CLEC4A: variants seen among roughly 807,000 people sequenced by gnomAD.
The protein encoded by CLEC4A is C-type (calcium dependent, carbohydrate-recognition domain) lectin, superfamily member 6.
A neutral mutation model predicts 32.7 loss-of-function variants in CLEC4A; 27 were observed. The ratio of observed to expected loss-of-function variants is 0.83; its 90% CI spans 0.61 to 1.14. The LOEUF (loss-of-function observed/expected upper bound fraction) is 1.14, where lower values mean the gene tolerates loss of function less well. CLEC4A is among the 50% of genes most tolerant of loss of function. CLEC4A has a pLI of 0.00. For synonymous variants in CLEC4A, 89 were observed against 93.7 expected (o/e 0.95, Z 0.29); for missense variants, 253 against 274.6 (o/e 0.92, Z 0.55).
At chr12:8,132,234 A>G (rs1478108604) in intron 3 of CLEC4A, among the ~76,000 whole-genome samples, 1 of 151,972 alleles carries the variant, frequency 6.6e-6, no homozygotes, top group Non-Finnish European at 1.5e-5. Flanking sequence ...AATGCTTGAG[A>G]CTCACATTGT....
chr12:8,136,728 T>G lies in CLEC4A; in HGVS notation c.451-60T>G, dbSNP rs1948123827. On this transcript the variant is annotated intron_variant, in intron 4 of 5. Coordinates refer to ENST00000229332, the MANE Select transcript of CLEC4A (RefSeq NM_016184.4). ...TTTTCTTCTTGTTTCTCTAAGGTATTAAGAATTCAGTTTAAGCTGAATACT... is the reference window on the plus strand; with the variant it reads ...TTTTCTTCTTGTTTCTCTAAGGTATGAAGAATTCAGTTTAAGCTGAATACT... 3 of 1,016,132 alleles carry G rather than the reference T, an allele frequency of 3.0e-6. No individual in the cohort carries two copies. The East Asian group carries it at 7.2e-5, about 24-fold the overall frequency. The allele number at this position is 1,016,132 out of a possible 1,614,324, so 62.9% of individuals were successfully genotyped here.
At chr12:8,119,852 G>A (rs958471312), upstream of CLEC4A, among the ~76,000 whole-genome samples, 6 of 152,284 alleles carry the variant, frequency 3.9e-5, no homozygotes, top group Middle Eastern at 6.8e-3. Flanking sequence ...TCCCAGGGGT[G>A]TCCTCACTCC....
intron 2 of CLEC4A, among the ~76,000 whole-genome samples, chr12:8,126,932 G>A (rs1189217725): frequency 6.6e-6 from 1 of 152,174 alleles, no homozygotes; most frequent in Admixed American, 6.5e-5. Flanking sequence ...ACAGGACTCA[G>A]ATCATGAAGA....
Position 8,134,775 on chromosome 12 carries a change from T to C in CLEC4A, c.299-810T>C. 6 of 1,554,004 alleles carry C rather than the reference T, an allele frequency of 3.9e-6. No homozygotes were observed. In the South Asian group the frequency reaches 7.1e-5, roughly 18 times the overall value. On this transcript the variant is annotated intron_variant, in intron 3 of 5. Coordinates refer to ENST00000229332, the MANE Select transcript of CLEC4A (RefSeq NM_016184.4). ...GGTCCGAGGATCAACCCAGCCCGGCTCCGGCCCCCCTGGCCCATCACCTCC... is the reference window on the plus strand; with the variant it reads ...GGTCCGAGGATCAACCCAGCCCGGCCCCGGCCCCCCTGGCCCATCACCTCC...
the CLEC4A span, among the ~76,000 whole-genome samples, chr12:8,104,360 A>G: frequency 1.3e-5 from 2 of 152,110 alleles, no homozygotes; most frequent in Non-Finnish European, 2.9e-5. Context: ...TGTATTTAGG[A>G]TGGCAAACAA....
At chr12:8,128,355 C>G (rs1018903920) in intron 2 of CLEC4A, among the ~76,000 whole-genome samples, 1 of 151,046 alleles carries the variant, frequency 6.6e-6, no homozygotes, top group African/African-American at 2.4e-5. Context: ...AAAACCCAGA[C>G]TATGATGGGT....
chr12:8,134,979 G>GTTTTT lies in CLEC4A; in HGVS notation c.299-604_299-600dup, dbSNP rs1591611840. 644 of 164,764 alleles carry GTTTTT rather than the reference G, an allele frequency of 3.9e-3. 101 individuals carry two copies. The highest frequency in any genetic ancestry group is 0.012 in the South Asian group (30 of 2,498). The allele number at this position is 164,764 out of a possible 1,614,324, so 10.2% of individuals were successfully genotyped here. A position where few individuals can be genotyped will look rare whatever the true frequency, so the allele number is the denominator to read the frequency against. On this transcript the variant is annotated intron_variant, in intron 3 of 5. Transcript: ENST00000229332. ...TGTATCTTCTTGTTGAAGCGTTTTTGTTTTTTGTTTTTTTTTAATCATGGC... is the reference window on the plus strand; with the variant it reads ...TGTATCTTCTTGTTGAAGCGTTTTTGTTTTTTTTTTTGTTTTTTTTTAATCATGGC...
At position 8,138,403 on chromosome 12, in the gene CLEC4A, A is replaced by C; in HGVS notation, c.*116A>C. 8.2e-7 allele frequency: 1 copy of C among 1,212,254 alleles called. No homozygotes were observed. The highest frequency in any genetic ancestry group is 1.4e-5 in the South Asian group (1 of 69,686). The allele number at this position is 1,212,254 out of a possible 1,614,324, so 75.1% of individuals were successfully genotyped here. ...TCCATAGAATTTAGGTGGTCTGTCAACTATTCTACTTATGAGAGAATTGGT... is the reference window on the plus strand; with the variant it reads ...TCCATAGAATTTAGGTGGTCTGTCACCTATTCTACTTATGAGAGAATTGGT... On this transcript the variant is annotated 3_prime_UTR_variant, in exon 6 of 6. Coordinates refer to ENST00000229332, the MANE Select transcript of CLEC4A (RefSeq NM_016184.4).
At chr12:8,124,550 T>C (rs1947870488) in intron 1 of CLEC4A, among the ~76,000 whole-genome samples, 1 of 152,228 alleles carries the variant, frequency 6.6e-6, no homozygotes, top group African/African-American at 2.4e-5. Flanking sequence ...AGACAGACTC[T>C]GTTACGTTTG....
At chr12:8,135,174 C>T (rs1411338790) in intron 3 of CLEC4A, among the ~76,000 whole-genome samples, 1 of 144,046 alleles carries the variant, frequency 6.9e-6, no homozygotes, top group East Asian at 2.1e-4. Flanking sequence ...ATGTGAGCCA[C>T]CGTGCCCGGC....
At chr12:8,134,866 C>T in intron 3 of CLEC4A, 1 of 1,517,432 alleles carries the variant, frequency 6.6e-7, no homozygotes, top group Non-Finnish European at 8.8e-7. Flanking sequence ...AAGGAAGGCG[C>T]CCCAAGCATG....
At chr12:8,134,208 T>G in intron 3 of CLEC4A, 1 of 1,611,398 alleles carries the variant, frequency 6.2e-7, no homozygotes, top group Non-Finnish European at 8.5e-7. Flanking sequence ...TCCTGAAGAT[T>G]TTCATTGTTG....
At chr12:8,120,373 T>A (rs1228743401), upstream of CLEC4A, among the ~76,000 whole-genome samples, 1 of 152,164 alleles carries the variant, frequency 6.6e-6, no homozygotes, top group East Asian at 1.9e-4. Flanking sequence ...TAGCATGAGA[T>A]ATACGGGCCC....
chr12:8,103,073 C>G, the CLEC4A span, among the ~76,000 whole-genome samples: 1 of 152,146 alleles, frequency 6.6e-6, no homozygotes, highest in Admixed American at 6.6e-5. Flanking sequence ...TTTGATACTA[C>G]TTGTCTTGTT....
At chr12:8,116,935 C>A in the CLEC4A span, among the ~76,000 whole-genome samples, 1 of 152,170 alleles carries the variant, frequency 6.6e-6, no homozygotes, top group Non-Finnish European at 1.5e-5. Context: ...CACAATCAAG[C>A]CTCTCGTTTT....
chr12:8,106,762 C>T, the CLEC4A span, among the ~76,000 whole-genome samples: 4 of 152,158 alleles, frequency 2.6e-5, no homozygotes, highest in Admixed American at 1.3e-4. Context: ...TTTATCAGAT[C>T]TAGAAGCTTT....
chr12:8,128,710 C>G, intron 2 of CLEC4A, among the ~76,000 whole-genome samples: 1 of 152,088 alleles, frequency 6.6e-6, no homozygotes, highest in East Asian at 1.9e-4. Context: ...AGTTCAGTTT[C>G]TAGAGGGAGA....
At chr12:8,112,223 C>T in the CLEC4A span, among the ~76,000 whole-genome samples, 2 of 152,086 alleles carry the variant, frequency 1.3e-5, no homozygotes, top group Admixed American at 6.5e-5. Context: ...CCAGCTTGGC[C>T]TCCCAAAGTG....
the CLEC4A span, among the ~76,000 whole-genome samples, chr12:8,105,640 G>T: frequency 1.3e-5 from 2 of 152,062 alleles, no homozygotes; most frequent in African/African-American, 4.8e-5. Context: ...ATGAGCCACC[G>T]TGCCCGGCTG....
Sources: allele counts gnomAD v4.1 joint callset (sites outside exome capture counted in the v4.1 genomes callset), GRCh38; gene constraint gnomAD v4.1.1; transcripts MANE v1.5; gene names NCBI Gene and HGNC (gene_info 2026-07-23, HGNC 2026-07-21).